Variants in TBC1D22A observed in about 807,000 individuals in gnomAD.
TBC1D22A encodes TBC1 domain family member 22A.
Under a neutral mutation model 60.2 loss-of-function variants are expected in TBC1D22A, and 38 were observed. The ratio of observed to expected loss-of-function variants is 0.63; its 90% CI spans 0.49 to 0.83. The LOEUF (loss-of-function observed/expected upper bound fraction) is 0.83. Among genes scored for constraint, TBC1D22A ranks in the 40% least tolerant of loss-of-function variants. TBC1D22A has a pLI of 0.00. For synonymous variants in TBC1D22A, 302 were observed against 281.7 expected (o/e 1.07, Z -0.72); for missense variants, 628 against 701.0 (o/e 0.90, Z 1.18).
rs139198807 is a variant in TBC1D22A, at chr22:47,020,363, C to T, written c.1202-16708C>T. ...TGCGTCGGGAGAGAGGGACTCTATC[C>T]GGGGAAGCTCTGCGTCTTCAACCTC... On this transcript the variant is annotated intron_variant, in intron 10 of 12. Coordinates refer to ENST00000337137, the MANE Select transcript of TBC1D22A (RefSeq NM_014346.5). Among the ~76,000 whole-genome samples the T allele has an allele frequency of 8.0e-3, 1,213 of 152,186 alleles. 16 individuals carry two copies. Among genetic ancestry groups the T allele is most frequent in the Non-Finnish European group, 9.0e-3 (611 of 68,010 alleles).
chr22:47,063,463 CG>C (rs2063650193), intron 11 of TBC1D22A, among the ~76,000 whole-genome samples: 1 of 152,096 alleles, frequency 6.6e-6, no homozygotes, highest in Non-Finnish European at 1.5e-5. Context: ...GAGAGACCGG[CG>C]GGGGTGTGCA....
chr22:47,009,739 A>G lies in TBC1D22A; in HGVS notation c.1201+12030A>G, dbSNP rs543323618. On this transcript the variant is annotated intron_variant, in intron 10 of 12. Transcript: ENST00000337137. The surrounding 1 kb of genome is among the most constrained non-coding windows in gnomAD (Gnocchi z 5.8). The stretch of plus-strand genomic sequence containing the variant: ...TCACTATCACCATCATTTCCTCACC[A>G]TCATCACCATCAACAAACTGTACAG... Among the ~76,000 whole-genome samples, 7 of 152,302 alleles carry G rather than the reference A, an allele frequency of 4.6e-5. No individual in the cohort carries two copies. The highest frequency in any genetic ancestry group is 4.6e-4 in the Admixed American group (7 of 15,298).
chr22:47,086,752 G>A (rs1443807921), intron 11 of TBC1D22A, among the ~76,000 whole-genome samples: 9 of 152,192 alleles, frequency 5.9e-5, no homozygotes, highest in Non-Finnish European at 1.0e-4. Flanking sequence ...AGCACAGTGC[G>A]GCAGCAGGGC....
chr22:47,003,035 G>A (rs1337449289), intron 10 of TBC1D22A, among the ~76,000 whole-genome samples: 2 of 152,108 alleles, frequency 1.3e-5, no homozygotes, highest in Admixed American at 1.3e-4. Context: ...GTAAAAAATG[G>A]AAACAACTGC....
In TBC1D22A at chr22:46,898,304, C is replaced by T. The variant is rs544612450; in HGVS notation, c.900+3458C>T. Among the ~76,000 whole-genome samples the T allele has an allele frequency of 2.2e-4, 34 of 152,230 alleles. No homozygotes were observed. The South Asian group carries it at 6.9e-3, about 31-fold the overall frequency. On this transcript the variant is annotated intron_variant, in intron 7 of 12. Transcript: ENST00000337137. ...TGAGCTGTTGGTTTGGAAAGCCTCCCCTGTCAATTGAGAAAAATGATGAGA... is the reference window on the plus strand; with the variant it reads ...TGAGCTGTTGGTTTGGAAAGCCTCCTCTGTCAATTGAGAAAAATGATGAGA...
intron 9 of TBC1D22A, among the ~76,000 whole-genome samples, chr22:46,981,982 CA>C (rs201118253): frequency 0.01 from 1,568 of 152,202 alleles, 29 homozygotes; most frequent in African/African-American, 0.036. Flanking sequence ...CCAGATAGAC[CA>C]AGGTCTGGGT....
chr22:46,793,499 A>C lies in TBC1D22A; in HGVS notation c.120-2A>C. The C allele has an allele frequency of 6.2e-7, 1 of 1,614,126 alleles. No individual in the cohort carries two copies. The highest frequency in any genetic ancestry group is 8.5e-7 in the Non-Finnish European group (1 of 1,180,004). On this transcript the variant is annotated splice_acceptor_variant, in intron 2 of 12. Coordinates refer to ENST00000337137, the MANE Select transcript of TBC1D22A (RefSeq NM_014346.5). LOFTEE classifies it high-confidence loss of function. ...CGAGTAAAGACTGCCTTTGCATTGC[A>C]GTTTGCTCAGGTCCACGGCCAAGAT...
At position 47,154,466 on chromosome 22, in the gene TBC1D22A, G is replaced by T. The variant is rs116782318; in HGVS notation, c.1426-19032G>T. On this transcript the variant is annotated intron_variant, in intron 12 of 12. Coordinates refer to ENST00000337137, the MANE Select transcript of TBC1D22A (RefSeq NM_014346.5). ...CGCTTGAAATTACGACTCTTTGACT[G>T]CAGTTTTCCCCCTTCCTTAAACATC... Among the ~76,000 whole-genome samples the T allele has an allele frequency of 2.3e-3, 352 of 152,282 alleles. 2 individuals are homozygous for T. The highest frequency in any genetic ancestry group is 7.3e-3 in the African/African-American group (302 of 41,562).
chr22:46,829,543 C>T (rs1268725346), intron 4 of TBC1D22A, among the ~76,000 whole-genome samples: 1 of 152,206 alleles, frequency 6.6e-6, no homozygotes, highest in Non-Finnish European at 1.5e-5. Flanking sequence ...CTTCACATTG[C>T]TGCCAAGTTA....
At chr22:46,962,675 A>AGG (rs1156427538) in intron 8 of TBC1D22A, among the ~76,000 whole-genome samples, 4 of 152,204 alleles carry the variant, frequency 2.6e-5, no homozygotes, top group Non-Finnish European at 1.5e-5. Flanking sequence ...CAGCATCCTG[A>AGG]GGGATGGCTT....
At chr22:47,010,322 G>A (rs1368977774) in intron 10 of TBC1D22A, among the ~76,000 whole-genome samples, 2 of 151,772 alleles carry the variant, frequency 1.3e-5, no homozygotes, top group Non-Finnish European at 2.9e-5. Context: ...CGGGGAACAG[G>A]CAGCGTGGCT....
At chr22:47,065,899 CT>C (rs1409363348) in intron 11 of TBC1D22A, among the ~76,000 whole-genome samples, 1 of 152,118 alleles carries the variant, frequency 6.6e-6, no homozygotes, top group African/African-American at 2.4e-5. Context: ...CAGTGTCCCC[CT>C]GGGAATACAC....
intron 12 of TBC1D22A, among the ~76,000 whole-genome samples, chr22:47,114,290 G>A (rs1013127196): frequency 6.6e-6 from 1 of 152,056 alleles, no homozygotes; most frequent in Non-Finnish European, 1.5e-5. Flanking sequence ...GTGGGGTGGA[G>A]TGCACACTCT....
At chr22:47,022,836 G>T (rs931604526) in intron 10 of TBC1D22A, among the ~76,000 whole-genome samples, 9 of 152,148 alleles carry the variant, frequency 5.9e-5, no homozygotes, top group Non-Finnish European at 1.3e-4. Flanking sequence ...TACTACTCTG[G>T]CCCCAAAGCT....
At chr22:47,086,879 G>GA (rs1387429293) in intron 11 of TBC1D22A, among the ~76,000 whole-genome samples, 4 of 152,170 alleles carry the variant, frequency 2.6e-5, no homozygotes, top group Non-Finnish European at 4.4e-5. Context: ...TTGGAGAAAA[G>GA]AAAAAATGCT....
At chr22:46,907,127 CTCT>C (rs1437352151) in intron 7 of TBC1D22A, among the ~76,000 whole-genome samples, 5 of 151,796 alleles carry the variant, frequency 3.3e-5, no homozygotes, top group African/African-American at 7.3e-5. Flanking sequence ...CGTGCGTGTG[CTCT>C]TCTTTGTGTG....
chr22:46,941,837 A>G (rs1186752469), intron 8 of TBC1D22A, among the ~76,000 whole-genome samples: 1 of 146,414 alleles, frequency 6.8e-6, no homozygotes, highest in African/African-American at 2.5e-5. Context: ...ATAGAATAAT[A>G]GAATATATGT....
chr22:46,825,005 A>G (rs9627580), intron 4 of TBC1D22A, among the ~76,000 whole-genome samples: 67,556 of 151,796 alleles, frequency 0.45, 15,778 homozygotes, highest in African/African-American at 0.6. Flanking sequence ...TGCTGGAGTT[A>G]CATTGAGACC....
At chr22:47,014,921 C>T (rs1159914197) in intron 10 of TBC1D22A, among the ~76,000 whole-genome samples, 1 of 152,258 alleles carries the variant, frequency 6.6e-6, no homozygotes, top group African/African-American at 2.4e-5. Flanking sequence ...CTCCCTCTCC[C>T]TTCTGAGCTG....
Sources: allele counts gnomAD v4.1 joint callset (sites outside exome capture counted in the v4.1 genomes callset), GRCh38; gene constraint gnomAD v4.1.1; non-coding constraint Gnocchi (gnomAD v3.1); transcripts MANE v1.5; gene names NCBI Gene and HGNC (gene_info 2026-07-23, HGNC 2026-07-21).